KSR1: variants seen among roughly 807,000 people sequenced by gnomAD.
KSR1 encodes the protein kinase suppressor of ras 1, also known as kinase suppressor of ras.
In KSR1, 35 loss-of-function variants were observed where a neutral mutation model predicts 92.9. The ratio of observed to expected loss-of-function variants is 0.38; its 90% CI spans 0.29 to 0.50. The LOEUF is 0.50. Among genes scored for constraint, KSR1 ranks in the 20% least tolerant of loss-of-function variants. The probability of loss-of-function intolerance (pLI) is 0.94; values close to 1 mark genes in which losing one functional copy is unlikely to be tolerated. For synonymous variants in KSR1, 467 were observed against 472.6 expected (o/e 0.99, Z 0.15); for missense variants, 972 against 1,158.5 (o/e 0.84, Z 2.34).
At chr17:27,597,719 T>G (rs1187715580) in intron 10 of KSR1, among the ~76,000 whole-genome samples, 1 of 152,052 alleles carries the variant, frequency 6.6e-6, no homozygotes, top group East Asian at 1.9e-4. Context: ...CATAACATAA[T>G]CCTCGCACTG....
intron 1 of KSR1, among the ~76,000 whole-genome samples, chr17:27,473,493 AG>A (rs1349225477): frequency 1.3e-5 from 2 of 152,192 alleles, no homozygotes; most frequent in Non-Finnish European, 2.9e-5. Context: ...CTGGCTGAGC[AG>A]GAAGGTGGGA....
intron 1 of KSR1, among the ~76,000 whole-genome samples, chr17:27,505,668 C>T (rs745917475): frequency 1.7e-4 from 26 of 152,160 alleles, no homozygotes; most frequent in Non-Finnish European, 2.5e-4. Context: ...AGTTATTGTG[C>T]GTCTTAAATA....
intron 1 of KSR1, among the ~76,000 whole-genome samples, chr17:27,476,574 A>G (rs1327348112): frequency 1.3e-5 from 2 of 152,196 alleles, no homozygotes; most frequent in Non-Finnish European, 2.9e-5. Flanking sequence ...TGGGTGCCCA[A>G]CACTCACAGG....
intron 2 of KSR1, among the ~76,000 whole-genome samples, chr17:27,566,107 T>G (rs1369533491): frequency 3.9e-5 from 6 of 152,128 alleles, no homozygotes; most frequent in African/African-American, 1.4e-4. Flanking sequence ...CCCCAGATGA[T>G]TCACTGGAAG....
intron 1 of KSR1, among the ~76,000 whole-genome samples, chr17:27,466,990 G>A (rs146499773): frequency 1.4e-4 from 21 of 152,312 alleles, no homozygotes; most frequent in Non-Finnish European, 2.9e-4. Flanking sequence ...TTACTTTTAC[G>A]GCAAGCTTGC....
chr17:27,575,847 C>T (rs1485025850), intron 2 of KSR1, among the ~76,000 whole-genome samples: 1 of 152,212 alleles, frequency 6.6e-6, no homozygotes, highest in Non-Finnish European at 1.5e-5. Flanking sequence ...ACCCGCTTAT[C>T]ATCTCATGGT....
intron 1 of KSR1, among the ~76,000 whole-genome samples, chr17:27,524,767 T>C (rs989684482): frequency 1.3e-5 from 2 of 152,206 alleles, no homozygotes; most frequent in South Asian, 2.1e-4. Context: ...GTAGCAATTA[T>C]AGGAGCAGAG....
At chr17:27,608,444 T>A (rs2073824426) in intron 15 of KSR1, among the ~76,000 whole-genome samples, 1 of 152,128 alleles carries the variant, frequency 6.6e-6, no homozygotes, top group Non-Finnish European at 1.5e-5. Flanking sequence ...CTGGGTCTGG[T>A]GTTTGAAGAC....
At position 27,598,790 on chromosome 17, in the gene KSR1, G is replaced by T. The variant is rs57472863; in HGVS notation, c.1468+1354G>T. On this transcript the variant is annotated intron_variant, in intron 10 of 20. Coordinates refer to ENST00000644974, the MANE Select transcript of KSR1 (RefSeq NM_001394583.1). ...CCAGATTGGGCCTTCATCGTCCCCTGCACAGAGGCCTCACTCTCTCCAAGA... is the reference window on the plus strand; with the variant it reads ...CCAGATTGGGCCTTCATCGTCCCCTTCACAGAGGCCTCACTCTCTCCAAGA... Among the ~76,000 whole-genome samples, 483 of 152,260 alleles carry T rather than the reference G, an allele frequency of 3.2e-3. 6 individuals are homozygous for T. Among genetic ancestry groups the T allele is most frequent in the African/African-American group, 0.011 (459 of 41,528 alleles).
At chr17:27,560,394 C>G (rs202147788) in intron 2 of KSR1, 1 of 518,904 alleles carries the variant, frequency 1.9e-6, no homozygotes, top group African/African-American at 1.9e-5. Flanking sequence ...GTGAAAGCCA[C>G]AGGTTCCCCT....
intron 9 of KSR1, among the ~76,000 whole-genome samples, chr17:27,596,989 G>A (rs1420014667): frequency 2.6e-5 from 4 of 152,228 alleles, no homozygotes; most frequent in Non-Finnish European, 5.9e-5. Context: ...AGGATGGAGA[G>A]GAGGAGCGTG....
intron 1 of KSR1, 25 bp from the exon 2 acceptor site, chr17:27,550,543 C>CT: frequency 1.3e-6 from 1 of 763,406 alleles, no homozygotes; most frequent in Non-Finnish European, 2.4e-6. Context: ...TGAACACAGG[C>CT]TTTTCTTTTT....
chr17:27,578,886 T>G (rs904189504), intron 3 of KSR1: 3 of 152,316 alleles, frequency 2.0e-5, no homozygotes, highest in Middle Eastern at 3.4e-3. Context: ...TAAGAGGTAG[T>G]GTTGAGCTCG....
At chr17:27,530,783 G>A (rs898203634) in intron 1 of KSR1, among the ~76,000 whole-genome samples, 7 of 152,214 alleles carry the variant, frequency 4.6e-5, no homozygotes, top group Non-Finnish European at 1.0e-4. Flanking sequence ...TTTCTGCTGT[G>A]TTTTCTTTCA....
At chr17:27,504,695 T>G (rs567565405) in intron 1 of KSR1, among the ~76,000 whole-genome samples, 2 of 152,324 alleles carry the variant, frequency 1.3e-5, no homozygotes, top group East Asian at 1.9e-4. Flanking sequence ...AGGACATCCC[T>G]GCCGCCATCT....
intron 14 of KSR1, among the ~76,000 whole-genome samples, chr17:27,606,752 G>A (rs771036570): frequency 1.1e-4 from 17 of 151,494 alleles, no homozygotes; most frequent in Non-Finnish European, 2.2e-4. Flanking sequence ...GCTGATCACT[G>A]GTGGTCCCGT....
At chr17:27,468,193 G>A (rs1267600263) in intron 1 of KSR1, among the ~76,000 whole-genome samples, 1 of 151,662 alleles carries the variant, frequency 6.6e-6, no homozygotes, top group Admixed American at 6.6e-5. Flanking sequence ...GACCACCTCT[G>A]TGTAGTGATT....
rs760448083 is a variant in KSR1, at chr17:27,577,627, G to A, written c.508G>A (p.Val170Met). Residue 170 changes from valine to methionine, a missense_variant, in exon 3 of 21, where the codon GTG becomes ATG. Physicochemically the swap from Val to Met is conservative, Grantham distance 21. Around this residue, in one of 5 missense-constraint regions of KSR1, gnomAD observed 611 missense variants for 668.0 expected, o/e 0.91. Transcript: ENST00000644974. The surrounding 1 kb of genome is among the most constrained non-coding windows in gnomAD (Gnocchi z 4.5). ...LQYALTCLRK[V>M]TGLGGEHKED... is the part of the protein sequence containing the mutation. ...GTATGCCCTCACCTGCCTGCGGAAGGTGACAGGCCTGGGTACGTGGGGCCT... is the reference window on the plus strand; with the variant it reads ...GTATGCCCTCACCTGCCTGCGGAAGATGACAGGCCTGGGTACGTGGGGCCT... 5 of 1,578,468 alleles carry A rather than the reference G, an allele frequency of 3.2e-6. No homozygotes were observed. The highest frequency in any genetic ancestry group is 2.6e-6 in the Non-Finnish European group (3 of 1,167,702).
rs1049945696 is a variant in KSR1 at position 27,605,954 on chromosome 17, T to G, written c.1994+141T>G. Reference sequence around the variant, plus strand: ...AGAAAACCAAAAATGGGGTATAACTTCCTAATCACATAACCGCATTGACAC... The same window carrying G: ...AGAAAACCAAAAATGGGGTATAACTGCCTAATCACATAACCGCATTGACAC... On this transcript the variant is annotated intron_variant, in intron 14 of 20. Coordinates refer to ENST00000644974, the MANE Select transcript of KSR1 (RefSeq NM_001394583.1). 6 of 989,710 alleles carry G rather than the reference T, an allele frequency of 6.1e-6. No homozygotes were observed. In the African/African-American group the frequency reaches 8.3e-5, roughly 14 times the overall value. 61.3% of individuals were successfully genotyped at this position (989,710 alleles called of 1,614,324 possible). A position where few individuals can be genotyped will look rare whatever the true frequency, so the allele number is the denominator to read the frequency against.
Sources: gnomAD v4.1 joint callset for allele counts (sites outside exome capture counted in the v4.1 genomes callset) on GRCh38, gnomAD v4.1.1 for gene constraint, gnomAD v4.1.1 regional missense constraint, Gnocchi (gnomAD v3.1) non-coding constraint, MANE v1.5 for transcripts, NCBI Gene and HGNC (gene_info 2026-07-23, HGNC 2026-07-21) for gene names.